MALRD1: variants seen among roughly 807,000 people sequenced by gnomAD.
The protein encoded by MALRD1 is MAM and LDL-receptor class A domain-containing protein 1.
Under a neutral mutation model 242.1 loss-of-function variants are expected in MALRD1, and 247 were observed. The observed-to-expected ratio is 1.02, with a 90% CI of 0.92 to 1.13. The LOEUF is 1.13. Among genes scored for constraint, MALRD1 ranks in the 50% most tolerant of loss-of-function variants. MALRD1 has a pLI of 0.00. For missense variants in MALRD1, 2,989 were observed against 2,533.1 expected, an observed-to-expected ratio of 1.18 and a Z score of -3.86; for synonymous variants, 995 against 866.6, an observed-to-expected ratio of 1.15 and a Z score of -2.60.
intron 28 of MALRD1, among the ~76,000 whole-genome samples, chr10:19,440,686 T>C: frequency 6.6e-6 from 1 of 152,216 alleles, no homozygotes; most frequent in Admixed American, 6.5e-5. Flanking sequence ...TCCTTTTTTA[T>C]CACTGCATAG....
At chr10:19,255,779 G>A (rs775526068) in intron 18 of MALRD1, among the ~76,000 whole-genome samples, 10 of 151,924 alleles carry the variant, frequency 6.6e-5, no homozygotes, top group Admixed American at 1.3e-4. Flanking sequence ...CTTTCCGTTG[G>A]CCTTGAATGC....
intron 35 of MALRD1, among the ~76,000 whole-genome samples, chr10:19,612,628 A>G (rs1215162463): frequency 6.6e-6 from 1 of 151,942 alleles, no homozygotes; most frequent in Non-Finnish European, 1.5e-5. Flanking sequence ...TTAAAAAAAA[A>G]ATAGGTTTCA....
intron 36 of MALRD1, among the ~76,000 whole-genome samples, chr10:19,619,276 G>A (rs192262954): frequency 2.6e-5 from 4 of 152,084 alleles, no homozygotes; most frequent in South Asian, 2.1e-4. Context: ...CTGGGAAGCC[G>A]ATTCCAGCCC....
chr10:19,386,322 C>T (rs145956494), intron 26 of MALRD1, among the ~76,000 whole-genome samples: 26 of 152,110 alleles, frequency 1.7e-4, no homozygotes, highest in African/African-American at 6.3e-4. Flanking sequence ...TAACTTGCCT[C>T]CAGAGGTTCA....
chr10:19,489,151 C>CAGGA, intron 29 of MALRD1: 3 of 468,736 alleles, frequency 6.4e-6, no homozygotes, highest in South Asian at 4.6e-5. Flanking sequence ...AAAAGCCTAA[C>CAGGA]AGGAGGTCAG....
rs139862016 is a variant in MALRD1 at position 19,500,936 on chromosome 10, G to GA, written c.5320+2294dup. Among the ~76,000 whole-genome samples, 870 of 152,092 alleles carry GA rather than the reference G, an allele frequency of 5.7e-3. 10 individuals are homozygous for GA. Among genetic ancestry groups the GA allele is most frequent in the African/African-American group, 0.02 (822 of 41,472 alleles). On this transcript the variant is annotated intron_variant, in intron 31 of 39. Coordinates refer to ENST00000454679, the MANE Select transcript of MALRD1 (RefSeq NM_001142308.3). ...GTGGAGCTTACATTACAGAAGGAGG[G>GA]AAAAGATAATGGGTAAACATAATAA...
At chr10:19,588,777 G>C (rs1837588002) in intron 33 of MALRD1, among the ~76,000 whole-genome samples, 1 of 152,052 alleles carries the variant, frequency 6.6e-6, no homozygotes, top group South Asian at 2.1e-4. Flanking sequence ...CAAGTAGCTG[G>C]GATTACAGCC....
intron 32 of MALRD1, among the ~76,000 whole-genome samples, chr10:19,567,251 GT>G (rs906783935): frequency 1.3e-5 from 2 of 151,808 alleles, no homozygotes; most frequent in South Asian, 2.1e-4. Context: ...GACAGTTACG[GT>G]TTTTTTTAAT....
rs150802370 is a variant in MALRD1, at chr10:19,165,103, G to A, written c.1657-534G>A. Among the ~76,000 whole-genome samples, 156 of 151,430 alleles carry A rather than the reference G, an allele frequency of 1.0e-3. No homozygotes were observed. In the East Asian group the frequency reaches 0.011, roughly 10 times the overall value. On this transcript the variant is annotated intron_variant, in intron 12 of 39. Coordinates refer to ENST00000454679, the MANE Select transcript of MALRD1 (RefSeq NM_001142308.3). The stretch of plus-strand genomic sequence containing the variant: ...ATTTTGTAACGTTGAGTCTCAATGT[G>A]TACCTCTCATATTTGTAAGAAGCCA...
chr10:19,712,915 C>A (rs1457904991), intron 38 of MALRD1, among the ~76,000 whole-genome samples: 1 of 152,140 alleles, frequency 6.6e-6, no homozygotes, highest in Non-Finnish European at 1.5e-5. Context: ...TAGAACAGAG[C>A]CACTCAAATG....
chr10:19,445,489 T>G (rs1164903470), intron 28 of MALRD1, among the ~76,000 whole-genome samples: 8 of 152,248 alleles, frequency 5.3e-5, no homozygotes, highest in Admixed American at 2.0e-4. Flanking sequence ...ACAGATGGGG[T>G]TTTGGTGTGG....
intron 38 of MALRD1, among the ~76,000 whole-genome samples, chr10:19,724,271 A>G (rs61340971): frequency 0.031 from 4,702 of 152,294 alleles, 237 homozygotes; most frequent in African/African-American, 0.092. Flanking sequence ...GGAAGCACAC[A>G]TCTGTAGTTA....
intron 39 of MALRD1, among the ~76,000 whole-genome samples, chr10:19,731,643 C>T (rs921992077): frequency 1.3e-5 from 2 of 152,134 alleles, no homozygotes; most frequent in African/African-American, 4.8e-5. Context: ...ACTCTTTGAT[C>T]AATATCTCAT....
intron 14 of MALRD1, among the ~76,000 whole-genome samples, chr10:19,200,744 C>A (rs1401864797): frequency 2.1e-5 from 3 of 145,888 alleles, no homozygotes; most frequent in Non-Finnish European, 4.5e-5. Context: ...GACCTGTGAG[C>A]CAACCCAGCA....
rs1350565367 is a variant in MALRD1 at position 19,675,444 on chromosome 10, T to C, written c.6138-16838T>C. 2.0e-5 allele frequency among the ~76,000 whole-genome samples: 3 copies of C among 152,196 alleles called. No homozygotes were observed. In the East Asian group the frequency reaches 5.8e-4, roughly 29 times the overall value. Reference sequence around the variant, plus strand: ...CATTTAACCTTTCACAGGGATGTTCTAAGGCAGTGGTTCTCAAAGTGTGTA... The same window carrying C: ...CATTTAACCTTTCACAGGGATGTTCCAAGGCAGTGGTTCTCAAAGTGTGTA... On this transcript the variant is annotated intron_variant, in intron 36 of 39. Transcript: ENST00000454679.
At chr10:19,639,944 T>G (rs1461744280) in intron 36 of MALRD1, among the ~76,000 whole-genome samples, 1 of 152,092 alleles carries the variant, frequency 6.6e-6, no homozygotes, top group Non-Finnish European at 1.5e-5. Flanking sequence ...AGATGGAGGT[T>G]AAGTCCACAG....
chr10:19,435,705 T>C (rs1183323484), intron 28 of MALRD1, among the ~76,000 whole-genome samples: 1 of 152,134 alleles, frequency 6.6e-6, no homozygotes, highest in Non-Finnish European at 1.5e-5. Flanking sequence ...CCAGACTTGA[T>C]AAAGTTGTCA....
At chr10:19,271,452 C>A (rs771791990) in intron 19 of MALRD1, among the ~76,000 whole-genome samples, 1 of 152,128 alleles carries the variant, frequency 6.6e-6, no homozygotes. Flanking sequence ...TTACTATATT[C>A]TGTCACTATT....
At chr10:19,338,298 G>A (rs1042570417) in intron 24 of MALRD1, among the ~76,000 whole-genome samples, 2 of 148,784 alleles carry the variant, frequency 1.3e-5, no homozygotes, top group African/African-American at 4.9e-5. Context: ...TCGTTTCATT[G>A]CCCTAAAAAT....
Sources: allele counts gnomAD v4.1 joint callset (sites outside exome capture counted in the v4.1 genomes callset), GRCh38; gene constraint gnomAD v4.1.1; transcripts MANE v1.5; gene names NCBI Gene and HGNC (gene_info 2026-07-23, HGNC 2026-07-21).